The following EEA1 variants were observed in gnomAD, a reference collection of about 807,000 sequenced individuals.
EEA1 encodes early endosome antigen 1, 162kD.
Under a neutral mutation model 209.2 loss-of-function variants are expected in EEA1, and 111 were observed. That is an observed-to-expected ratio of 0.53 (90% CI 0.45 to 0.62). The LOEUF (loss-of-function observed/expected upper bound fraction) is 0.62. Among genes scored for constraint, EEA1 ranks in the 20% least tolerant of loss-of-function variants. EEA1 has a pLI of 0.00. For missense variants in EEA1, 1,343 were observed against 1,530.8 expected (o/e 0.88, Z 2.05); for synonymous variants, 536 against 540.6 (o/e 0.99, Z 0.12).
intron 10 of EEA1, among the ~76,000 whole-genome samples, chr12:92,839,289 A>G (rs1877058693): frequency 6.6e-6 from 1 of 152,212 alleles, no homozygotes; most frequent in South Asian, 2.1e-4. Context: ...TCAAAAGGCA[A>G]GATAGATCAA....
chr12:92,924,063 C>T (rs555464952), intron 1 of EEA1, among the ~76,000 whole-genome samples: 13 of 152,100 alleles, frequency 8.5e-5, no homozygotes, highest in South Asian at 4.1e-4. Context: ...GTGAACGTGA[C>T]GGTGTCACTG....
intron 1 of EEA1, among the ~76,000 whole-genome samples, chr12:92,924,723 A>G (rs1315470449): frequency 6.6e-6 from 1 of 151,876 alleles, no homozygotes; most frequent in African/African-American, 2.4e-5. Flanking sequence ...GGCCACTGGA[A>G]TTAGAGAAGA....
chr12:92,809,966 T>C (rs1310065432), intron 17 of EEA1, among the ~76,000 whole-genome samples: 1 of 152,224 alleles, frequency 6.6e-6, no homozygotes, highest in Non-Finnish European at 1.5e-5. Flanking sequence ...ATTAAGTTCC[T>C]GATTTTGCTT....
intron 15 of EEA1, 82 bp downstream of exon 15, chr12:92,816,118 G>T: frequency 7.9e-7 from 1 of 1,266,644 alleles, no homozygotes; most frequent in Admixed American, 2.3e-5. Flanking sequence ...TAATATGCAA[G>T]GTAAAAAGAG....
intron 1 of EEA1, among the ~76,000 whole-genome samples, chr12:92,922,704 G>A (rs972178777): frequency 2.0e-5 from 3 of 152,134 alleles, no homozygotes; most frequent in African/African-American, 4.8e-5. Context: ...TGTAATCCCA[G>A]CACTTTGGGA....
intron 1 of EEA1, among the ~76,000 whole-genome samples, chr12:92,926,057 A>G (rs1269489227): frequency 6.6e-6 from 1 of 151,246 alleles, no homozygotes; most frequent in East Asian, 1.9e-4. Flanking sequence ...GCAATGGAGC[A>G]ATCTCAGCTC....
chr12:92,869,878 CCAGAAGGATAACATGTGATAAAA>C (rs1878563214), intron 2 of EEA1, among the ~76,000 whole-genome samples: 2 of 150,310 alleles, frequency 1.3e-5, no homozygotes, highest in African/African-American at 4.9e-5. Context: ...CCCACAAGGT[CCAGAAGGATAACATGTGATAAAA>C]TGCTAACCAG....
intron 21 of EEA1, 50 bp from the exon 22 acceptor site, chr12:92,788,099 T>G (rs759173008): frequency 9.3e-6 from 13 of 1,400,830 alleles, no homozygotes; most frequent in Non-Finnish European, 1.2e-5. Context: ...AAAAACCAAT[T>G]ACAAATATAA....
intron 1 of EEA1, among the ~76,000 whole-genome samples, chr12:92,915,334 G>A (rs1283349666): frequency 6.6e-6 from 1 of 152,128 alleles, no homozygotes; most frequent in Admixed American, 6.5e-5. Context: ...CAGGTGTGCT[G>A]GTGTGGGCCT....
intron 12 of EEA1, among the ~76,000 whole-genome samples, chr12:92,827,607 GT>G (rs920252455): frequency 6.6e-5 from 10 of 152,126 alleles, no homozygotes; most frequent in African/African-American, 2.4e-4. Flanking sequence ...ATAGTTTACT[GT>G]TTCATTAGGA....
At position 92,802,743 on chromosome 12, in the gene EEA1, T is replaced by A; in HGVS notation, c.2340-9A>T. The A allele has an allele frequency of 6.6e-7, 1 of 1,520,400 alleles. No homozygotes were observed. The highest frequency in any genetic ancestry group is 8.8e-7 in the Non-Finnish European group (1 of 1,139,736). 94.2% of individuals were successfully genotyped at this position (1,520,400 alleles called of 1,614,324 possible). Reference sequence around the variant, plus strand: ...ATCTTGTACTGGATACTCTAAATATTTAAAAAACAATCTTTTTAAATAACA... The same window carrying A: ...ATCTTGTACTGGATACTCTAAATATATAAAAAACAATCTTTTTAAATAACA... On this transcript the variant is annotated splice_polypyrimidine_tract_variant and intron_variant, in intron 18 of 28. Transcript: ENST00000322349.
chr12:92,852,411 T>C, intron 7 of EEA1, 115 bp from the exon 8 acceptor site: 4 of 579,152 alleles, frequency 6.9e-6, no homozygotes, highest in Non-Finnish European at 1.1e-5. Context: ...ATTCCTTAGA[T>C]AACCATAAAT....
intron 23 of EEA1, 48 bp from the exon 24 acceptor site, chr12:92,780,459 A>T: frequency 7.8e-7 from 1 of 1,275,312 alleles, no homozygotes; most frequent in Non-Finnish European, 1.1e-6. Context: ...CAAATACTTA[A>T]ATGAAAATGG....
At chr12:92,915,461 A>G (rs2136781762) in intron 1 of EEA1, among the ~76,000 whole-genome samples, 1 of 152,186 alleles carries the variant, frequency 6.6e-6, no homozygotes, top group East Asian at 1.9e-4. Flanking sequence ...CAGGGCAAGA[A>G]CCTGTCTTAA....
intron 2 of EEA1, among the ~76,000 whole-genome samples, chr12:92,887,796 G>C (rs921953886): frequency 6.6e-6 from 1 of 151,756 alleles, no homozygotes; most frequent in Non-Finnish European, 1.5e-5. Flanking sequence ...ATCATAAATC[G>C]AAGAGCATCT....
intron 13 of EEA1, chr12:92,821,037 T>C (rs1308216876): frequency 6.6e-6 from 1 of 152,162 alleles, no homozygotes; most frequent in East Asian, 1.9e-4. Flanking sequence ...GTTGCTATCA[T>C]CTATTAAATC....
At chr12:92,900,233 A>C (rs1880092222) in intron 1 of EEA1, among the ~76,000 whole-genome samples, 1 of 152,212 alleles carries the variant, frequency 6.6e-6, no homozygotes, top group Non-Finnish European at 1.5e-5. Flanking sequence ...TACTCATTTC[A>C]GATTTCTCCC....
At chr12:92,858,375 T>A (rs572853738) in intron 3 of EEA1, 3 of 1,020,850 alleles carry the variant, frequency 2.9e-6, no homozygotes. Context: ...TTCCAAAGGG[T>A]TTGACTACAA....
At chr12:92,781,730 A>AGAC (rs112640339) in intron 23 of EEA1, among the ~76,000 whole-genome samples, 1 of 151,770 alleles carries the variant, frequency 6.6e-6, no homozygotes, top group Non-Finnish European at 1.5e-5. Flanking sequence ...GTAAAACTAA[A>AGAC]GAGCAGTAAG....
Sources: allele counts gnomAD v4.1 joint callset (sites outside exome capture counted in the v4.1 genomes callset), GRCh38; gene constraint gnomAD v4.1.1; transcripts MANE v1.5; gene names NCBI Gene and HGNC (gene_info 2026-07-23, HGNC 2026-07-21).